The following KCNC2 variants were observed in gnomAD, a reference collection of about 807,000 sequenced individuals.
KCNC2 encodes the protein voltage-gated potassium channel KCNC2.
In KCNC2, 21 loss-of-function variants were observed where a neutral mutation model predicts 44.5. The observed-to-expected ratio is 0.47, with a 90% CI of 0.33 to 0.68. The LOEUF (loss-of-function observed/expected upper bound fraction) is 0.68. KCNC2 is among the 30% of genes least tolerant of loss of function. The pLI is 0.01. For synonymous variants in KCNC2, 391 were observed against 339.1 expected, an observed-to-expected ratio of 1.15 and a Z score of -1.68; for missense variants, 589 against 826.2, an observed-to-expected ratio of 0.71 and a Z score of 3.52.
At chr12:75,102,885 T>C (rs547520300) in intron 2 of KCNC2, among the ~76,000 whole-genome samples, 15 of 152,190 alleles carry the variant, frequency 9.9e-5, no homozygotes, top group Admixed American at 8.5e-4. Flanking sequence ...AATAAGATAA[T>C]TTGTTTTATA....
intron 2 of KCNC2, among the ~76,000 whole-genome samples, chr12:75,129,648 T>G (rs1175772942): frequency 6.6e-6 from 1 of 152,146 alleles, no homozygotes; most frequent in African/African-American, 2.4e-5. Flanking sequence ...GTAGAAACTG[T>G]ACTGGGTGAA....
At chr12:75,090,481 A>AC (rs200920059) in intron 2 of KCNC2, among the ~76,000 whole-genome samples, 1,957 of 151,782 alleles carry the variant, frequency 0.013, 46 homozygotes, top group African/African-American at 0.045. Context: ...AACTTAGAAG[A>AC]CAGAGCTAAC....
intron 2 of KCNC2, among the ~76,000 whole-genome samples, chr12:75,201,347 T>C (rs1226287099): frequency 2.1e-5 from 3 of 143,164 alleles, no homozygotes; most frequent in African/African-American, 7.7e-5. Flanking sequence ...GAGTGCAATC[T>C]GAATGGGCAT....
intron 2 of KCNC2, among the ~76,000 whole-genome samples, chr12:75,182,328 T>C (rs1312153286): frequency 7.3e-6 from 1 of 136,908 alleles, no homozygotes; most frequent in Admixed American, 7.0e-5. Flanking sequence ...ATGGAGACCA[T>C]CCTGGTTAAC....
chr12:75,069,171 G>A (rs1239754766), intron 2 of KCNC2, among the ~76,000 whole-genome samples: 1 of 56,850 alleles, frequency 1.8e-5, no homozygotes, highest in African/African-American at 6.8e-5. Context: ...TTTCACTCTT[G>A]TTGTCCAGGC....
chr12:75,052,107 A>T (rs577233497), intron 2 of KCNC2, among the ~76,000 whole-genome samples: 4 of 152,278 alleles, frequency 2.6e-5, no homozygotes, highest in South Asian at 4.1e-4. Flanking sequence ...CCACCAACAC[A>T]GAATAATAAA....
chr12:75,158,634 G>T (rs950991295), intron 2 of KCNC2, among the ~76,000 whole-genome samples: 3 of 151,732 alleles, frequency 2.0e-5, no homozygotes, highest in Non-Finnish European at 2.9e-5. Flanking sequence ...CTGGAAACAG[G>T]GTCTTGTGAA....
chr12:75,183,449 C>T (rs570887722), intron 2 of KCNC2, among the ~76,000 whole-genome samples: 1 of 152,092 alleles, frequency 6.6e-6, no homozygotes, highest in South Asian at 2.1e-4. Context: ...AACAACAAAA[C>T]AAAAAATATT....
At chr12:75,086,112 A>G (rs1397331129) in intron 2 of KCNC2, among the ~76,000 whole-genome samples, 1 of 152,066 alleles carries the variant, frequency 6.6e-6, no homozygotes, top group Non-Finnish European at 1.5e-5. Flanking sequence ...GGAAATATTT[A>G]AAATGTAGGA....
rs200279597 is a variant in KCNC2 at position 75,209,487 on chromosome 12, T to C, written c.-300A>G. On this transcript the variant is annotated 5_prime_UTR_variant, in exon 1 of 5. Coordinates refer to ENST00000549446, the MANE Select transcript of KCNC2 (RefSeq NM_139137.4). ...CGCCCAGAGTCACCATCGCGCAGGG[T>C]TGGGCAAACCATGGAGCTCGGGGCG... is the stretch of plus-strand genomic sequence containing the variant. 6.6e-6 allele frequency: 1 copy of C among 152,112 alleles called. No individual in the cohort carries two copies. Among genetic ancestry groups the C allele is most frequent in the Non-Finnish European group, 1.5e-5 (1 of 68,066 alleles). 9.4% of individuals were successfully genotyped at this position (152,112 alleles called of 1,614,324 possible).
chr12:75,162,403 A>G (rs1891177542), intron 2 of KCNC2, among the ~76,000 whole-genome samples: 1 of 151,750 alleles, frequency 6.6e-6, no homozygotes, highest in Non-Finnish European at 1.5e-5. Context: ...TGACATACTG[A>G]GTCATCAGCT....
Position 75,207,798 on chromosome 12 carries a change from C to G in KCNC2, c.186G>C (p.Ser62=), listed in dbSNP as rs768187148. ...DKLQPSPPPL[S]PPPRAPPLSP... ...ACAGCGGGGGCGCTCTCGGCGGCGG[C>G]GACAGTGGAGGCGGCGACGGCTGCA... Residue 62 remains serine (S), a synonymous_variant, in exon 2 of 5, where the codon TCG becomes TCC. Coordinates refer to ENST00000549446, the MANE Select transcript of KCNC2 (RefSeq NM_139137.4). The surrounding 1 kb of genome is among the most constrained non-coding windows in gnomAD (Gnocchi z 4.1). 1.9e-6 allele frequency: 3 copies of G among 1,597,696 alleles called. No homozygotes were observed. Among genetic ancestry groups the G allele is most frequent in the South Asian group, 1.1e-5 (1 of 89,990 alleles).
chr12:75,181,327 T>C (rs1419238221), intron 2 of KCNC2, among the ~76,000 whole-genome samples: 1 of 152,232 alleles, frequency 6.6e-6, no homozygotes, highest in Non-Finnish European at 1.5e-5. Flanking sequence ...TTTTCAATGC[T>C]TAAATCATCA....
intron 2 of KCNC2, among the ~76,000 whole-genome samples, chr12:75,117,505 C>G (rs551368212): frequency 1.0e-3 from 156 of 152,234 alleles, no homozygotes; most frequent in African/African-American, 3.6e-3. Flanking sequence ...GCTATTTTTC[C>G]ACATCCCAGT....
chr12:75,121,245 A>G, intron 2 of KCNC2, among the ~76,000 whole-genome samples: 1 of 152,128 alleles, frequency 6.6e-6, no homozygotes, highest in South Asian at 2.1e-4. Flanking sequence ...TTGTTTTCAA[A>G]TTTTCCCTTT....
At chr12:75,043,417 C>T (rs1880142413) in intron 4 of KCNC2, 176 bp from the exon 5 acceptor site, 3 of 1,367,330 alleles carry the variant, frequency 2.2e-6, no homozygotes, top group South Asian at 3.6e-5. Context: ...ACTGTAGTTG[C>T]CATTTTGAAA....
At chr12:75,184,418 G>C (rs980358694) in intron 2 of KCNC2, among the ~76,000 whole-genome samples, 1 of 152,096 alleles carries the variant, frequency 6.6e-6, no homozygotes, top group South Asian at 2.1e-4. Flanking sequence ...CTAATACACT[G>C]AATTTAATCA....
At chr12:75,182,552 A>G (rs1297733616) in intron 2 of KCNC2, among the ~76,000 whole-genome samples, 2 of 151,562 alleles carry the variant, frequency 1.3e-5, no homozygotes, top group Non-Finnish European at 2.9e-5. Context: ...AAAAACAAAA[A>G]AAAACAAACA....
chr12:75,055,243 T>C (rs1213935731), intron 2 of KCNC2, among the ~76,000 whole-genome samples: 1 of 152,036 alleles, frequency 6.6e-6, no homozygotes, highest in Non-Finnish European at 1.5e-5. Flanking sequence ...ATGAATAAGA[T>C]AGACCACATT....
Sources: allele counts gnomAD v4.1 joint callset (sites outside exome capture counted in the v4.1 genomes callset), GRCh38; gene constraint gnomAD v4.1.1; non-coding constraint Gnocchi (gnomAD v3.1); transcripts MANE v1.5; gene names NCBI Gene and HGNC (gene_info 2026-07-23, HGNC 2026-07-21).